Variants in ZMIZ2 observed in about 807,000 individuals in gnomAD.
ZMIZ2 encodes the protein zinc finger MIZ domain-containing protein 2.
ZMIZ2 carries 26 observed loss-of-function variants against 93.9 expected under a neutral mutation model. The observed-to-expected ratio is 0.28, with a 90% confidence interval of 0.20 to 0.38. ZMIZ2 has a LOEUF of 0.38. Among genes scored for constraint, ZMIZ2 ranks in the 10% least tolerant of loss-of-function variants. The pLI is 1.00. For missense variants in ZMIZ2, 1,023 were observed against 1,235.0 expected (o/e 0.83, Z 2.57); for synonymous variants, 485 against 516.4 (o/e 0.94, Z 0.82).
chr7:44,751,345 T>C (rs1282848767), intron 1 of ZMIZ2, among the ~76,000 whole-genome samples: 1 of 152,280 alleles, frequency 6.6e-6, no homozygotes, highest in East Asian at 1.9e-4. Flanking sequence ...CAGCCCATCC[T>C]ACTGACTTCA....
At position 44,765,432 on chromosome 7, in the gene ZMIZ2, G is replaced by A. The variant is rs1562747371; in HGVS notation, c.2095G>A (p.Ala699Thr). The A allele has an allele frequency of 6.2e-7, 1 of 1,610,124 alleles. No individual in the cohort carries two copies. The part of the protein sequence containing the change: ...MHIKEEPDGP[A>T]LKRCRTVSPA... Reference sequence around the variant, plus strand: ...CATCAAGGAGGAGCCGGATGGGCCAGCACTGAAGCGCTGCCGCACCGTGAG... The same window carrying A: ...CATCAAGGAGGAGCCGGATGGGCCAACACTGAAGCGCTGCCGCACCGTGAG... Residue 699 changes from alanine to threonine, a missense_variant, in exon 16 of 19, where the codon GCA becomes ACA. Physicochemically the swap from Ala to Thr is moderately conservative, Grantham distance 58 (BLOSUM62 0). Transcript: ENST00000309315. This position sits in a 1 kb window ranked among gnomAD's most constrained non-coding sequence, Gnocchi z 4.1.
intron 1 of ZMIZ2, among the ~76,000 whole-genome samples, 193 bp from the exon 2 acceptor site, chr7:44,755,995 G>T (rs1583617924): frequency 6.6e-6 from 1 of 152,162 alleles, no homozygotes; most frequent in Non-Finnish European, 1.5e-5. Context: ...GGCTGTATTT[G>T]TGGGGGCAGA....
chr7:44,755,855 A>G (rs561283455), intron 1 of ZMIZ2, among the ~76,000 whole-genome samples: 22 of 152,246 alleles, frequency 1.4e-4, no homozygotes, highest in African/African-American at 5.3e-4. Flanking sequence ...CTGGCTTTAT[A>G]AGGATAGCCA....
Position 44,761,845 on chromosome 7 carries a change from G to T in ZMIZ2, c.1536G>T (p.Leu512=). ...AGACCTCGCACAAGCCACTCTACCT[G>T]AAGCATGTGTGCCAGCCAGGCCGCA... ...DNKTSHKPLY[L]KHVCQPGRNT... Residue 512 remains leucine, a synonymous_variant, in exon 11 of 19, where the codon CTG becomes CTT. Coordinates refer to ENST00000309315, the MANE Select transcript of ZMIZ2 (RefSeq NM_031449.4). This position sits in a 1 kb window ranked among gnomAD's most constrained non-coding sequence, Gnocchi z 5.8. 6.2e-7 allele frequency: 1 copy of T among 1,614,090 alleles called. No individual in the cohort carries two copies. Among genetic ancestry groups the T allele is most frequent in the Non-Finnish European group, 8.5e-7 (1 of 1,180,048 alleles).
chr7:44,767,836 A>T lies in ZMIZ2; in HGVS notation c.*213A>T. On this transcript the variant is annotated 3_prime_UTR_variant, in exon 19 of 19. Transcript: ENST00000309315. ...GGCTCCCAGGCCGGCAGCCCTTGCC[A>T]CCTCCCTCTGCCAAGCCTGCTGCTG... 1.7e-6 allele frequency: 1 copy of T among 590,836 alleles called. No homozygotes were observed. The highest frequency in any genetic ancestry group is 2.0e-5 in the South Asian group (1 of 50,806). The allele number at this position is 590,836 out of a possible 1,614,324, so 36.6% of individuals were successfully genotyped here. A position where few individuals can be genotyped will look rare whatever the true frequency, so the allele number is the denominator to read the frequency against.
In ZMIZ2 at chr7:44,761,125, G is replaced by A. The variant is rs1367407489; in HGVS notation, c.1241-324G>A. 3.9e-5 allele frequency among the ~76,000 whole-genome samples: 6 copies of A among 152,224 alleles called. No individual in the cohort carries two copies. Among genetic ancestry groups the A allele is most frequent in the Non-Finnish European group, 7.3e-5 (5 of 68,030 alleles). ...GGCTCTCACACACCTTGGCCTCCCA[G>A]TCTCTCTGAAAGCACTGGAAACACC... is the stretch of plus-strand genomic sequence containing the variant. On this transcript the variant is annotated intron_variant, in intron 9 of 18. Coordinates refer to ENST00000309315, the MANE Select transcript of ZMIZ2 (RefSeq NM_031449.4). The surrounding 1 kb of genome is among the most constrained non-coding windows in gnomAD (Gnocchi z 5.8).
intron 1 of ZMIZ2, chr7:44,749,752 G>C: frequency 6.6e-6 from 1 of 152,228 alleles, no homozygotes; most frequent in East Asian, 1.9e-4. Context: ...CTTCTCCCTA[G>C]GGTACCCTCT....
Position 44,763,403 on chromosome 7 carries a change from G to A in ZMIZ2, c.1850G>A (p.Arg617His), listed in dbSNP as rs192111706. ...CTCCCTGCCCGAGGTCATGACTGTC[G>A]CCACATACAGGTAGGTGGTTACTGC... Reference protein sequence around the residue: ...IQLPARGHDCRHIQCFDLESY... With the variant: ...IQLPARGHDCHHIQCFDLESY... The change falls in exon 13 of 19, where the codon CGC becomes CAC. Residue 617 changes from arginine to histidine, a missense_variant. Arg to His is a conservative substitution (Grantham distance 29, BLOSUM62 0). Coordinates refer to ENST00000309315, the MANE Select transcript of ZMIZ2 (RefSeq NM_031449.4). The surrounding 1 kb of genome is among the most constrained non-coding windows in gnomAD (Gnocchi z 5.6). 2.5e-6 allele frequency: 4 copies of A among 1,613,882 alleles called. No homozygotes were observed. The highest frequency in any genetic ancestry group is 3.4e-6 in the Non-Finnish European group (4 of 1,179,988).
In ZMIZ2 at chr7:44,763,708, A is replaced by AG. The variant is rs566063850; in HGVS notation, c.1860+298dup. On this transcript the variant is annotated intron_variant, in intron 13 of 18. Transcript: ENST00000309315. This position sits in a 1 kb window ranked among gnomAD's most constrained non-coding sequence, Gnocchi z 5.6. ...GTCCAGTCTTCCTGCCCTACCCCCA[A>AG]GGGTGACCATCGTTAGCATCTGTCT... is the stretch of plus-strand genomic sequence containing the variant. 5.4e-3 allele frequency: 2,103 copies of AG among 391,434 alleles called. 15 individuals carry two copies. Among genetic ancestry groups the AG allele is most frequent in the Non-Finnish European group, 6.6e-3 (1,409 of 215,086 alleles). The allele number at this position is 391,434 out of a possible 1,614,324, so 24.2% of individuals were successfully genotyped here.
chr7:44,757,392 C>T lies in ZMIZ2; in HGVS notation c.383C>T (p.Pro128Leu), dbSNP rs752627717. ...PGFTTGYAGG[P>L]GGLGLPSHAA... ...GTCTCCTGCAGGTATGCAGGCGGCCCGGGGGGCCTGGGCCTCCCCTCACAT... is the reference window on the plus strand; with the variant it reads ...GTCTCCTGCAGGTATGCAGGCGGCCTGGGGGGCCTGGGCCTCCCCTCACAT... Residue 128 changes from proline (P) to leucine (L), a missense_variant, in exon 5 of 19, where the codon CCG (proline) becomes CTG (leucine). Around this residue, in one of 3 missense-constraint regions of ZMIZ2, gnomAD observed 656 missense variants for 777.1 expected, o/e 0.84. Transcript: ENST00000309315. 31 of 1,600,858 alleles carry T rather than the reference C, an allele frequency of 1.9e-5. 1 individual carries two copies. Among genetic ancestry groups the T allele is most frequent in the South Asian group, 3.3e-5 (3 of 91,038 alleles).
rs1789866343 is a variant in ZMIZ2, at chr7:44,748,886, T to TGGCGGCGGCCCCGG, written c.-159_-146dup. 1 of 146,386 alleles carries TGGCGGCGGCCCCGG rather than the reference T, an allele frequency of 6.8e-6. No individual in the cohort carries two copies. Among genetic ancestry groups the TGGCGGCGGCCCCGG allele is most frequent in the Non-Finnish European group, 1.5e-5 (1 of 65,818 alleles). The allele number at this position is 146,386 out of a possible 1,614,324, so 9.1% of individuals were successfully genotyped here. A position where few individuals can be genotyped will look rare whatever the true frequency, so the allele number is the denominator to read the frequency against. On this transcript the variant is annotated 5_prime_UTR_variant, in exon 1 of 19. An upstream open reading frame in the 5' UTR loses its in-frame stop. Coordinates refer to ENST00000309315, the MANE Select transcript of ZMIZ2 (RefSeq NM_031449.4). ...GCGGGCGGCGGCGCGATGGCGCGGG[T>TGGCGGCGGCCCCGG]GGCGGCGGCCCCGGGGCGGCGGGCG...
chr7:44,760,541 C>G lies in ZMIZ2; in HGVS notation c.1188C>G (p.Pro396=), dbSNP rs775409033. 9 of 1,614,056 alleles carry G rather than the reference C, an allele frequency of 5.6e-6. No homozygotes were observed. The highest frequency in any genetic ancestry group is 8.5e-7 in the Non-Finnish European group (1 of 1,180,042). Residue 396 remains proline (P), a synonymous_variant, in exon 9 of 19, where the codon CCC becomes CCG. Transcript: ENST00000309315. ...CACCAAACCAAGAGGTCAAGTCTCC[C>G]TTCTTGCCTGATCTCAAGCCCAACC... ...YMSPNQEVKS[P]FLPDLKPNLN...
intron 6 of ZMIZ2, 66 bp from the exon 7 acceptor site, chr7:44,759,215 C>CG: frequency 7.2e-7 from 1 of 1,395,146 alleles, no homozygotes; most frequent in Non-Finnish European, 9.5e-7. Context: ...TGAGACTCTA[C>CG]TTCCTTCTGG....
rs538085088 is a variant in ZMIZ2, at chr7:44,753,873, TTTG to T, written c.-62-2309_-62-2307del. ...AGGTGTGAAGTTTAGGTGTTTTTTG[TTTG>T]TTGTTTTGATGCCCAGTTGCTCCAT... On this transcript the variant is annotated intron_variant, in intron 1 of 18. Coordinates refer to ENST00000309315, the MANE Select transcript of ZMIZ2 (RefSeq NM_031449.4). Among the ~76,000 whole-genome samples, 483 of 152,338 alleles carry T rather than the reference TTTG, an allele frequency of 3.2e-3. 2 individuals carry two copies. Among genetic ancestry groups the T allele is most frequent in the South Asian group, 7.7e-3 (37 of 4,834 alleles).
At chr7:44,756,636 TGA>T (rs1035594733) in intron 3 of ZMIZ2, 97 bp downstream of exon 3, 1 of 1,345,026 alleles carries the variant, frequency 7.4e-7, no homozygotes, top group African/African-American at 1.4e-5. Context: ...ACGAAGAGGC[TGA>T]GAGGTGAGGA....
In ZMIZ2 at chr7:44,756,932, C is replaced by T. The variant is rs1349108177; in HGVS notation, c.166-15C>T. 6.2e-7 allele frequency: 1 copy of T among 1,609,338 alleles called. No homozygotes were observed. The highest frequency in any genetic ancestry group is 1.3e-5 in the African/African-American group (1 of 74,568). On this transcript the variant is annotated splice_polypyrimidine_tract_variant and intron_variant, in intron 3 of 18. Transcript: ENST00000309315. ...GTTTGGCTGGTTCCCTTTGGTGATT[C>T]CTGCTTCCTCATAGGTTTTGGGGAA...
chr7:44,752,083 C>T (rs192415100), intron 1 of ZMIZ2, among the ~76,000 whole-genome samples: 3 of 152,238 alleles, frequency 2.0e-5, no homozygotes, highest in Non-Finnish European at 2.9e-5. Context: ...TACAACATTG[C>T]ACCAGGACAC....
At position 44,761,788 on chromosome 7, in the gene ZMIZ2, C is replaced by T. The variant is rs996968185; in HGVS notation, c.1479C>T (p.Ala493=). 8 of 1,613,996 alleles carry T rather than the reference C, an allele frequency of 5.0e-6. No homozygotes were observed. Among genetic ancestry groups the T allele is most frequent in the Non-Finnish European group, 5.9e-6 (7 of 1,180,034 alleles). The change falls in exon 11 of 19, where the codon GCC becomes GCT. Residue 493 remains alanine (A), a synonymous_variant. Coordinates refer to ENST00000309315, the MANE Select transcript of ZMIZ2 (RefSeq NM_031449.4). This position sits in a 1 kb window ranked among gnomAD's most constrained non-coding sequence, Gnocchi z 5.8. ...CCTCGGTGCAGGTCAGCGTCAATGC[C>T]ACGCCGCTCACCATCGAGCGTGGCG... ...WPASVQVSVN[A]TPLTIERGDN...
chr7:44,753,382 C>T (rs1231930981), intron 1 of ZMIZ2, among the ~76,000 whole-genome samples: 1 of 152,084 alleles, frequency 6.6e-6, no homozygotes, highest in African/African-American at 2.4e-5. Flanking sequence ...AAAGCTGGGA[C>T]CACAGGTGCA....
Sources: allele counts gnomAD v4.1 joint callset (sites outside exome capture counted in the v4.1 genomes callset), GRCh38; gene constraint gnomAD v4.1.1; regional missense constraint gnomAD v4.1.1; non-coding constraint Gnocchi (gnomAD v3.1); transcripts MANE v1.5; gene names NCBI Gene and HGNC (gene_info 2026-07-23, HGNC 2026-07-21).